Variants in DOK5 observed in about 807,000 individuals in gnomAD.
DOK5 encodes the protein downstream of tyrosine kinase 5.
In DOK5, 27 loss-of-function variants were observed where a neutral mutation model predicts 43.3. That is an observed-to-expected ratio of 0.62 (90% CI 0.46 to 0.86). DOK5 has a LOEUF of 0.86. Ranked by LOEUF, DOK5 falls within the 40% of genes least tolerant of loss-of-function variation. DOK5 has a pLI of 0.00. For missense variants in DOK5, 373 were observed against 392.9 expected (o/e 0.95, Z 0.43); for synonymous variants, 146 against 140.1 (o/e 1.04, Z -0.30).
chr20:54,478,429 G>A (rs1981524268), intron 1 of DOK5, among the ~76,000 whole-genome samples: 1 of 152,166 alleles, frequency 6.6e-6, no homozygotes, highest in South Asian at 2.1e-4. Context: ...GAGAGGTAGG[G>A]CATTTATTTT....
At chr20:54,558,978 T>C (rs1984811277) in intron 2 of DOK5, among the ~76,000 whole-genome samples, 1 of 152,192 alleles carries the variant, frequency 6.6e-6, no homozygotes, top group Non-Finnish European at 1.5e-5. Context: ...GAACAATTTA[T>C]TTTTTATTTC....
chr20:54,529,556 G>A (rs544894132), intron 1 of DOK5, among the ~76,000 whole-genome samples: 1 of 151,968 alleles, frequency 6.6e-6, no homozygotes, highest in Middle Eastern at 3.4e-3. Context: ...AAAAAAAACA[G>A]CATTATTGGG....
chr20:54,556,749 G>T (rs1037765656), intron 2 of DOK5, among the ~76,000 whole-genome samples: 2 of 152,112 alleles, frequency 1.3e-5, no homozygotes, highest in African/African-American at 4.8e-5. Context: ...AACCTTAGCC[G>T]GTCTGTAACT....
intron 6 of DOK5, among the ~76,000 whole-genome samples, chr20:54,620,868 A>G (rs1437236290): frequency 1.3e-5 from 2 of 151,866 alleles, no homozygotes; most frequent in Non-Finnish European, 2.9e-5. Flanking sequence ...GGCTCTGAAG[A>G]AGATGAAGTT....
chr20:54,555,089 A>T, intron 2 of DOK5, 49 bp downstream of exon 2: 1 of 1,289,400 alleles, frequency 7.8e-7, no homozygotes. Context: ...ACAGGGAGGC[A>T]ACTGGAATTA....
chr20:54,619,939 C>T (rs530404786), intron 6 of DOK5, among the ~76,000 whole-genome samples: 3 of 152,128 alleles, frequency 2.0e-5, no homozygotes, highest in Non-Finnish European at 4.4e-5. Context: ...TGTGTGTAAA[C>T]GCTCTTTTCA....
At chr20:54,529,656 A>C (rs1983699858) in intron 1 of DOK5, among the ~76,000 whole-genome samples, 2 of 152,346 alleles carry the variant, frequency 1.3e-5, no homozygotes, top group South Asian at 4.1e-4. Context: ...CCATCATCAC[A>C]ATGTAAATTT....
intron 1 of DOK5, among the ~76,000 whole-genome samples, chr20:54,490,692 T>C (rs1320439917): frequency 2.0e-5 from 3 of 152,162 alleles, no homozygotes; most frequent in Non-Finnish European, 4.4e-5. Context: ...TTCAAGCAAT[T>C]CTCCTGCCTC....
intron 1 of DOK5, among the ~76,000 whole-genome samples, chr20:54,486,141 C>T (rs1981924011): frequency 6.6e-6 from 1 of 152,066 alleles, no homozygotes; most frequent in Non-Finnish European, 1.5e-5. Context: ...ATATTTAAGT[C>T]CATCACCCAT....
chr20:54,558,577 A>G (rs1984792926), intron 2 of DOK5, among the ~76,000 whole-genome samples: 1 of 152,188 alleles, frequency 6.6e-6, no homozygotes, highest in Non-Finnish European at 1.5e-5. Flanking sequence ...TGTGTAATTT[A>G]TGAATCTTGA....
chr20:54,550,881 T>C (rs1233287961), intron 1 of DOK5, among the ~76,000 whole-genome samples: 1 of 152,150 alleles, frequency 6.6e-6, no homozygotes, highest in African/African-American at 2.4e-5. Context: ...TTTTTTTTTA[T>C]GTGGGGATAA....
rs995393374 is a variant in DOK5 at position 54,475,728 on chromosome 20, G to A, written c.-219G>A. On this transcript the variant is annotated 5_prime_UTR_variant, in exon 1 of 8. Transcript: ENST00000262593. This position sits in a 1 kb window ranked among gnomAD's most constrained non-coding sequence, Gnocchi z 4.2. ...CTCGCCTCCCCGCGCCGCGCTCTGC[G>A]CTCCCCGAAAGTGGCTGCAAGCCGG... is the stretch of plus-strand genomic sequence containing the variant. 2 of 614,634 alleles carry A rather than the reference G, an allele frequency of 3.3e-6. No individual in the cohort carries two copies. Among genetic ancestry groups the A allele is most frequent in the African/African-American group, 3.8e-5 (2 of 53,102 alleles). 38.1% of individuals were successfully genotyped at this position (614,634 alleles called of 1,614,324 possible). A position where few individuals can be genotyped will look rare whatever the true frequency, so the allele number is the denominator to read the frequency against.
At chr20:54,533,406 A>T (rs1279190044) in intron 1 of DOK5, among the ~76,000 whole-genome samples, 1 of 152,236 alleles carries the variant, frequency 6.6e-6, no homozygotes. Context: ...GAACTGGATG[A>T]TGTATTATAA....
intron 1 of DOK5, among the ~76,000 whole-genome samples, chr20:54,518,348 C>T (rs376330879): frequency 7.4e-5 from 11 of 149,334 alleles, no homozygotes; most frequent in African/African-American, 2.7e-4. Flanking sequence ...TTGTTCAATT[C>T]CCACCTATGA....
intron 1 of DOK5, among the ~76,000 whole-genome samples, chr20:54,501,278 T>C (rs376020663): frequency 5.3e-4 from 81 of 151,676 alleles, no homozygotes; most frequent in African/African-American, 1.9e-3. Context: ...CTATCCTGGC[T>C]AACACGATGA....
chr20:54,518,675 T>G (rs1385170795), intron 1 of DOK5, among the ~76,000 whole-genome samples: 1 of 152,212 alleles, frequency 6.6e-6, no homozygotes, highest in Non-Finnish European at 1.5e-5. Flanking sequence ...GTATTTCTAG[T>G]TCTAGATCCC....
intron 1 of DOK5, among the ~76,000 whole-genome samples, chr20:54,500,447 C>T (rs1208673642): frequency 6.6e-6 from 1 of 151,848 alleles, no homozygotes; most frequent in Non-Finnish European, 1.5e-5. Context: ...AACCTACTGC[C>T]CCAATACAAA....
chr20:54,480,999 TATCATCTATC>T (rs1981666478), intron 1 of DOK5, among the ~76,000 whole-genome samples: 85 of 135,702 alleles, frequency 6.3e-4, no homozygotes, highest in African/African-American at 2.3e-3. Flanking sequence ...ATCATCTATC[TATCATCTATC>T]ATCTATCTAT....
chr20:54,601,998 G>A (rs1432120176), intron 5 of DOK5, among the ~76,000 whole-genome samples: 3 of 151,984 alleles, frequency 2.0e-5, no homozygotes, highest in Admixed American at 6.6e-5. Context: ...AGTCACACAC[G>A]TTCCATTCCC....
Sources: gnomAD v4.1 joint callset for allele counts (sites outside exome capture counted in the v4.1 genomes callset) on GRCh38, gnomAD v4.1.1 for gene constraint, Gnocchi (gnomAD v3.1) non-coding constraint, MANE v1.5 for transcripts, NCBI Gene and HGNC (gene_info 2026-07-23, HGNC 2026-07-21) for gene names.